PLCG1: variants seen among roughly 807,000 people sequenced by gnomAD.
PLCG1 encodes the protein phospholipase C gamma 1.
Under a neutral mutation model 177.8 loss-of-function variants are expected in PLCG1, and 71 were observed. The observed-to-expected ratio is 0.40, with a 90% CI of 0.33 to 0.49. PLCG1 has a LOEUF of 0.49. Ranked by LOEUF, PLCG1 falls within the 20% of genes least tolerant of loss-of-function variation. PLCG1 has a pLI of 0.72. For missense variants in PLCG1, 1,281 were observed against 1,709.0 expected, an observed-to-expected ratio of 0.75 and a Z score of 4.42; for synonymous variants, 658 against 647.9, an observed-to-expected ratio of 1.02 and a Z score of -0.24.
In PLCG1 at chr20:41,174,576, C is replaced by T; in HGVS notation, c.*67C>T. The T allele has an allele frequency of 7.0e-7, 1 of 1,425,140 alleles. No individual in the cohort carries two copies. Among genetic ancestry groups the T allele is most frequent in the East Asian group, 2.5e-5 (1 of 40,356 alleles). The allele number at this position is 1,425,140 out of a possible 1,614,324, so 88.3% of individuals were successfully genotyped here. On this transcript the variant is annotated 3_prime_UTR_variant, in exon 32 of 32. Coordinates refer to ENST00000685551, the MANE Select transcript of PLCG1 (RefSeq NM_002660.3). The surrounding 1 kb of genome is among the most constrained non-coding windows in gnomAD (Gnocchi z 5.8). The stretch of plus-strand genomic sequence containing the variant: ...CTTGTAGAATGCCGCGAACTGGGTT[C>T]TTTGGAAGCAGCCCCCTGTGGCGGC...
In PLCG1 at chr20:41,151,957, TATAGGAACCTGGGG is replaced by T. The variant is rs1340624609; in HGVS notation, c.218-7646_218-7633del. Among the ~76,000 whole-genome samples the T allele has an allele frequency of 2.6e-5, 4 of 152,154 alleles. No individual in the cohort carries two copies. Among genetic ancestry groups the T allele is most frequent in the African/African-American group, 9.7e-5 (4 of 41,438 alleles). On this transcript the variant is annotated intron_variant, in intron 1 of 31. Transcript: ENST00000685551. This position sits in a 1 kb window ranked among gnomAD's most constrained non-coding sequence, Gnocchi z 5.5. ...GCCTGCCGTACCCCACAGGGAGTTGTATAGGAACCTGGGGATGGGGTGACTGAGGTAGGGGGCCA... is the reference window on the plus strand; with the variant it reads ...GCCTGCCGTACCCCACAGGGAGTTGTATGGGGTGACTGAGGTAGGGGGCCA...
rs1415625238 is a variant in PLCG1 at position 41,143,391 on chromosome 20, T to G, written c.217+5533T>G. ...CAAAGGTGTGATATTAGGAGACTGATTTTTCCCCCTTTCCACTTGCTTTGT... is the reference window on the plus strand; with the variant it reads ...CAAAGGTGTGATATTAGGAGACTGAGTTTTCCCCCTTTCCACTTGCTTTGT... On this transcript the variant is annotated intron_variant, in intron 1 of 31. Transcript: ENST00000685551. Among the ~76,000 whole-genome samples, 3 of 152,124 alleles carry G rather than the reference T, an allele frequency of 2.0e-5. No homozygotes were observed. The East Asian group carries it at 5.8e-4, about 29-fold the overall frequency.
chr20:41,162,418 G>T, intron 4 of PLCG1, 34 bp from the exon 5 acceptor site: 1 of 1,545,130 alleles, frequency 6.5e-7, no homozygotes, highest in African/African-American at 1.4e-5. Context: ...TGAGAAGCTG[G>T]ATGAGACCAC....
In PLCG1 at chr20:41,167,807, C is replaced by G; in HGVS notation, c.2302-45C>G. On this transcript the variant is annotated intron_variant, in intron 19 of 31. Transcript: ENST00000685551. The surrounding 1 kb of genome is among the most constrained non-coding windows in gnomAD (Gnocchi z 4.4). ...AGAAACCAGTAGCTGCTTTCTACCT[C>G]TGGGCTCTGGGGCATTAACATATCC... 7.2e-7 allele frequency: 1 copy of G among 1,390,766 alleles called. No individual in the cohort carries two copies. Among genetic ancestry groups the G allele is most frequent in the Non-Finnish European group, 1.0e-6 (1 of 977,350 alleles). 86.2% of individuals were successfully genotyped at this position (1,390,766 alleles called of 1,614,324 possible). A position where few individuals can be genotyped will look rare whatever the true frequency, so the allele number is the denominator to read the frequency against.
intron 1 of PLCG1, among the ~76,000 whole-genome samples, chr20:41,154,104 T>C (rs2146021026): frequency 6.6e-6 from 1 of 152,314 alleles, no homozygotes; most frequent in African/African-American, 2.4e-5. Flanking sequence ...GTGGTGATTC[T>C]ATTTTGCAGA....
In PLCG1 at chr20:41,156,812, A is replaced by T. The variant is rs541491597; in HGVS notation, c.218-2794A>T. Among the ~76,000 whole-genome samples the T allele has an allele frequency of 3.1e-4, 47 of 152,298 alleles. 1 individual carries two copies. Among genetic ancestry groups the T allele is most frequent in the African/African-American group, 1.0e-3 (43 of 41,562 alleles). On this transcript the variant is annotated intron_variant, in intron 1 of 31. Coordinates refer to ENST00000685551, the MANE Select transcript of PLCG1 (RefSeq NM_002660.3). The surrounding 1 kb of genome is among the most constrained non-coding windows in gnomAD (Gnocchi z 5.0). ...TCTGACCCAGACTGTGCCAGACTGG[A>T]TCATTCGCTCTGTCACCTGCCACCA...
Position 41,165,412 on chromosome 20 carries a change from G to T in PLCG1, c.1510-38G>T. On this transcript the variant is annotated intron_variant, in intron 14 of 31. Coordinates refer to ENST00000685551, the MANE Select transcript of PLCG1 (RefSeq NM_002660.3). The surrounding 1 kb of genome is among the most constrained non-coding windows in gnomAD (Gnocchi z 6.6). ...GGGGGTGGTAGGCCAGTGGGTGTGA[G>T]GACCCTGGCTCACAAGTCCCTCTTT... 1 of 1,613,774 alleles carries T rather than the reference G, an allele frequency of 6.2e-7. No homozygotes were observed.
intron 1 of PLCG1, among the ~76,000 whole-genome samples, chr20:41,158,629 T>C (rs1600652620): frequency 1.3e-5 from 2 of 152,324 alleles, no homozygotes; most frequent in African/African-American, 4.8e-5. Flanking sequence ...TACCAACATC[T>C]TTCTGATGCT....
In PLCG1 at chr20:41,169,591, T is replaced by C. The variant is rs978096313; in HGVS notation, c.2650+65T>C. 18 of 1,283,810 alleles carry C rather than the reference T, an allele frequency of 1.4e-5. No individual in the cohort carries two copies. In the East Asian group the frequency reaches 3.5e-4, roughly 25 times the overall value. 79.5% of individuals were successfully genotyped at this position (1,283,810 alleles called of 1,614,324 possible). On this transcript the variant is annotated intron_variant, in intron 23 of 31. Transcript: ENST00000685551. ...GGTGAGATTCTTCTTTGTATCTCTTTCCTGCTCCTAGGGAGGAAGCTGATG... is the reference window on the plus strand; with the variant it reads ...GGTGAGATTCTTCTTTGTATCTCTTCCCTGCTCCTAGGGAGGAAGCTGATG...
rs1384479936 is a variant in PLCG1, at chr20:41,177,158, G to A, written c.*2649G>A. 2 of 152,264 alleles carry A rather than the reference G, an allele frequency of 1.3e-5. No homozygotes were observed. The highest frequency in any genetic ancestry group is 2.9e-5 in the Non-Finnish European group (2 of 68,054). The allele number at this position is 152,264 out of a possible 1,614,324, so 9.4% of individuals were successfully genotyped here. On this transcript the variant is annotated 3_prime_UTR_variant, in exon 32 of 32. Coordinates refer to ENST00000685551, the MANE Select transcript of PLCG1 (RefSeq NM_002660.3). ...AGATGGGCTCCCTTGCAGGCTCCTT[G>A]TTCTCCTGCCATCACCAGTAGAACC...
In PLCG1 at chr20:41,166,633, G is replaced by C; in HGVS notation, c.2120+38G>C. The C allele has an allele frequency of 6.2e-7, 1 of 1,614,064 alleles. No individual in the cohort carries two copies. Among genetic ancestry groups the C allele is most frequent in the Non-Finnish European group, 8.5e-7 (1 of 1,179,992 alleles). Reference sequence around the variant, plus strand: ...GCACTGGGTTGTGGGGCCTTGCTTGGGTCTGAGCTGCCCTGACCCTGTGTG... The same window carrying C: ...GCACTGGGTTGTGGGGCCTTGCTTGCGTCTGAGCTGCCCTGACCCTGTGTG... On this transcript the variant is annotated intron_variant, in intron 18 of 31. Transcript: ENST00000685551. This position sits in a 1 kb window ranked among gnomAD's most constrained non-coding sequence, Gnocchi z 8.6.
chr20:41,156,844 A>G lies in PLCG1; in HGVS notation c.218-2762A>G, dbSNP rs1027847669. 1.3e-5 allele frequency among the ~76,000 whole-genome samples: 2 copies of G among 152,236 alleles called. No homozygotes were observed. The highest frequency in any genetic ancestry group is 2.9e-5 in the Non-Finnish European group (2 of 68,046). Reference sequence around the variant, plus strand: ...GCTCTGTCACCTGCCACCAGGGCAGAGGCCATTCCTCTCTGGGGAGTCTCC... The same window carrying G: ...GCTCTGTCACCTGCCACCAGGGCAGGGGCCATTCCTCTCTGGGGAGTCTCC... On this transcript the variant is annotated intron_variant, in intron 1 of 31. Coordinates refer to ENST00000685551, the MANE Select transcript of PLCG1 (RefSeq NM_002660.3). This position sits in a 1 kb window ranked among gnomAD's most constrained non-coding sequence, Gnocchi z 5.0.
Position 41,144,784 on chromosome 20 carries a change from C to T in PLCG1, c.217+6926C>T, listed in dbSNP as rs151193227. Among the ~76,000 whole-genome samples, 199 of 152,252 alleles carry T rather than the reference C, an allele frequency of 1.3e-3. No individual in the cohort carries two copies. The Middle Eastern group carries it at 0.014, about 10-fold the overall frequency. ...GCACACTGAGCTGGATGTGATTACT[C>T]CAGCCTCTGACTTGTTCATGGTGGC... On this transcript the variant is annotated intron_variant, in intron 1 of 31. Coordinates refer to ENST00000685551, the MANE Select transcript of PLCG1 (RefSeq NM_002660.3). The surrounding 1 kb of genome is among the most constrained non-coding windows in gnomAD (Gnocchi z 4.1).
Position 41,173,290 on chromosome 20 carries a change from A to G in PLCG1, c.3280-130A>G. 3.3e-6 allele frequency: 3 copies of G among 899,238 alleles called. No homozygotes were observed. Among genetic ancestry groups the G allele is most frequent in the Middle Eastern group, 7.1e-4 (2 of 2,836 alleles). 55.7% of individuals were successfully genotyped at this position (899,238 alleles called of 1,614,324 possible). ...GGTCCCTGATGTCGTGAGGGACTCC[A>G]TGGGCAGTGTCCCGGGGGCCCAGCA... On this transcript the variant is annotated intron_variant, in intron 27 of 31. Coordinates refer to ENST00000685551, the MANE Select transcript of PLCG1 (RefSeq NM_002660.3). This position sits in a 1 kb window ranked among gnomAD's most constrained non-coding sequence, Gnocchi z 6.2.
rs1055558443 is a variant in PLCG1, at chr20:41,175,775, G to C, written c.*1266G>C. On this transcript the variant is annotated 3_prime_UTR_variant, in exon 32 of 32. Transcript: ENST00000685551. ...CAGGAAAGCCTGTTGCATGGGACAT[G>C]CTCACTAGAAACAGTCGCCAGATGA... The C allele has an allele frequency of 6.6e-6, 1 of 152,614 alleles. No individual in the cohort carries two copies. Among genetic ancestry groups the C allele is most frequent in the Non-Finnish European group, 1.5e-5 (1 of 68,038 alleles). 9.5% of individuals were successfully genotyped at this position (152,614 alleles called of 1,614,324 possible). A position where few individuals can be genotyped will look rare whatever the true frequency, so the allele number is the denominator to read the frequency against.
At chr20:41,149,260 T>G (rs1380350996) in intron 1 of PLCG1, among the ~76,000 whole-genome samples, 1 of 152,198 alleles carries the variant, frequency 6.6e-6, no homozygotes, top group East Asian at 1.9e-4. Context: ...CCTTCCACAT[T>G]CAAGCTCCTT....
rs2035823869 is a variant in PLCG1, at chr20:41,169,496, G to A, written c.2620G>A (p.Gly874Arg). The change falls in exon 23 of 32, where the codon GGG becomes AGG. Residue 874 changes from glycine to arginine, a missense_variant. Coordinates refer to ENST00000685551, the MANE Select transcript of PLCG1 (RefSeq NM_002660.3). ...ENSPLGDLLRGVLDVPACQIA... is the reference protein window; with the variant it reads ...ENSPLGDLLRRVLDVPACQIA... ...CAGCCCCCTAGGGGACTTGCTGCGG[G>A]GGGTCTTGGATGTGCCGGCTTGTCA... 6.2e-7 allele frequency: 1 copy of A among 1,613,818 alleles called. No homozygotes were observed. Among genetic ancestry groups the A allele is most frequent in the Non-Finnish European group, 8.5e-7 (1 of 1,179,772 alleles).
chr20:41,139,893 C>G (rs2145992707), intron 1 of PLCG1, among the ~76,000 whole-genome samples: 1 of 152,246 alleles, frequency 6.6e-6, no homozygotes, highest in South Asian at 2.1e-4. Flanking sequence ...ACCCATGTGC[C>G]CACTCACCCA....
Position 41,172,987 on chromosome 20 carries a change from G to C in PLCG1, c.3279+110G>C. On this transcript the variant is annotated intron_variant, in intron 27 of 31. Transcript: ENST00000685551. The surrounding 1 kb of genome is among the most constrained non-coding windows in gnomAD (Gnocchi z 7.0). ...GTATTTTCAGGCATCAAGGTGGTCA[G>C]GGTGGGTGGGGCCTGAGCTGAGTCT... 8.6e-7 allele frequency: 1 copy of C among 1,157,380 alleles called. No homozygotes were observed. Among genetic ancestry groups the C allele is most frequent in the Admixed American group, 2.2e-5 (1 of 45,892 alleles). The allele number at this position is 1,157,380 out of a possible 1,614,324, so 71.7% of individuals were successfully genotyped here. A position where few individuals can be genotyped will look rare whatever the true frequency, so the allele number is the denominator to read the frequency against.
Sources: gnomAD v4.1 joint callset for allele counts (sites outside exome capture counted in the v4.1 genomes callset) on GRCh38, gnomAD v4.1.1 for gene constraint, Gnocchi (gnomAD v3.1) non-coding constraint, MANE v1.5 for transcripts, NCBI Gene and HGNC (gene_info 2026-07-23, HGNC 2026-07-21) for gene names.